Variants in TCF20 observed in about 807,000 individuals in gnomAD.
TCF20 encodes the protein SPRE-binding protein.
Under a neutral mutation model 148.6 loss-of-function variants are expected in TCF20, and 3 were observed. The observed-to-expected ratio is 0.02, with a 90% CI of 0.01 to 0.05. The LOEUF is 0.05. TCF20 is among the 10% of genes least tolerant of loss of function. TCF20 has a pLI of 1.00. For missense variants in TCF20, 2,350 were observed against 2,429.3 expected, an observed-to-expected ratio of 0.97 and a Z score of 0.69; for synonymous variants, 1,049 against 909.5, an observed-to-expected ratio of 1.15 and a Z score of -2.76.
chr22:42,170,048 A>G, intron 3 of TCF20, 152 bp from the exon 4 acceptor site: 1 of 667,148 alleles, frequency 1.5e-6, no homozygotes, highest in Non-Finnish European at 2.6e-6. Flanking sequence ...CAAGTAAGCT[A>G]TGATACCTTA....
intron 2 of TCF20, among the ~76,000 whole-genome samples, chr22:42,180,861 G>A (rs907783240): frequency 6.6e-6 from 1 of 152,166 alleles, no homozygotes; most frequent in Non-Finnish European, 1.5e-5. Flanking sequence ...GATCATCTCT[G>A]GCATCCTCCA....
chr22:42,255,894 C>T (rs1362860993), intron 1 of TCF20, among the ~76,000 whole-genome samples: 26 of 152,180 alleles, frequency 1.7e-4, no homozygotes, highest in Non-Finnish European at 1.2e-4. Context: ...CCACCTTGCT[C>T]TCATACTATT....
chr22:42,270,593 G>C lies in TCF20; in HGVS notation c.-291C>G, dbSNP rs529721523. On this transcript the variant is annotated 5_prime_UTR_variant, in exon 1 of 6. Transcript: ENST00000677622. ...GCGGAGGCCGCGGCCGCCTCGCAGG[G>C]GCCGAAAGCGGCTGGGCTCGGGGTT... 6.9e-6 allele frequency among the ~76,000 whole-genome samples: 1 copy of C among 145,858 alleles called. No homozygotes were observed. The highest frequency in any genetic ancestry group is 6.8e-5 in the Admixed American group (1 of 14,740).
In TCF20 at chr22:42,211,137, C is replaced by T; in HGVS notation, c.4169G>A (p.Ser1390Asn). Residue 1390 changes from serine (S) to asparagine (N), a missense_variant, in exon 2 of 6, where the codon AGT becomes AAT. Ser to Asn is a conservative substitution (Grantham distance 46, BLOSUM62 1). Transcript: ENST00000677622. Reference sequence around the variant, plus strand: ...AACACTCCCACCTTCAGGAGGACCACTCTTCAAAGACAGTATATCATCAAG... The same window carrying T: ...AACACTCCCACCTTCAGGAGGACCATTCTTCAAAGACAGTATATCATCAAG... The part of the protein sequence containing the change: ...VTLDDILSLK[S>N]GPPEGGSVAV... The T allele has an allele frequency of 6.2e-7, 1 of 1,614,242 alleles. No homozygotes were observed.
chr22:42,195,067 C>T (rs1244117888), intron 2 of TCF20, among the ~76,000 whole-genome samples: 2 of 150,314 alleles, frequency 1.3e-5, no homozygotes, highest in Non-Finnish European at 3.0e-5. Context: ...GCATCTCAGA[C>T]TTAACATGAA....
chr22:42,232,643 C>T (rs1315263220), intron 1 of TCF20, among the ~76,000 whole-genome samples: 3 of 151,776 alleles, frequency 2.0e-5, no homozygotes, highest in South Asian at 2.1e-4. Flanking sequence ...CTGTCTAACA[C>T]GGTGAAACCC....
intron 1 of TCF20, among the ~76,000 whole-genome samples, chr22:42,252,846 ATAAC>A (rs1229288470): frequency 4.6e-5 from 7 of 152,214 alleles, no homozygotes; most frequent in Non-Finnish European, 7.3e-5. Flanking sequence ...TTTAACAAAA[ATAAC>A]TATTTTCATA....
Position 42,214,782 on chromosome 22 carries a change from T to A in TCF20, c.524A>T (p.Gln175Leu), listed in dbSNP as rs991359797. 6.2e-7 allele frequency: 1 copy of A among 1,614,036 alleles called. No homozygotes were observed. The highest frequency in any genetic ancestry group is 1.3e-5 in the African/African-American group (1 of 74,934). The change falls in exon 2 of 6, where the codon CAG becomes CTG. Residue 175 changes from glutamine (Q) to leucine (L), a missense_variant. By Grantham distance (113) the Gln-to-Leu change is moderately radical. Transcript: ENST00000677622. ...CAACTGCTGGACTTGCTGCTGCTGC[T>A]GCTGGCTGGAAGCCTGCTGTTGGTA... ...AQYQQQASSQ[Q>L]QQQQVQQLRQ...
chr22:42,339,414 C>A (rs1928124611), intron 1 of TCF20, among the ~76,000 whole-genome samples: 1 of 152,158 alleles, frequency 6.6e-6, no homozygotes, highest in Admixed American at 6.5e-5. Context: ...ACAGTGGGTA[C>A]CTGGTACCCC....
At chr22:42,243,205 C>T (rs1290227226) in intron 1 of TCF20, among the ~76,000 whole-genome samples, 1 of 143,750 alleles carries the variant, frequency 7.0e-6, no homozygotes, top group Non-Finnish European at 1.5e-5. Context: ...TGGCTAGCAC[C>T]TGTAATCTCA....
At chr22:42,235,349 G>A (rs144131800) in intron 1 of TCF20, among the ~76,000 whole-genome samples, 1 of 152,226 alleles carries the variant, frequency 6.6e-6, no homozygotes, top group East Asian at 1.9e-4. Context: ...CTTCTCAACT[G>A]GGGACTTCTC....
intron 1 of TCF20, among the ~76,000 whole-genome samples, chr22:42,331,749 T>C (rs2147058754): frequency 6.6e-6 from 1 of 152,340 alleles, no homozygotes; most frequent in South Asian, 2.1e-4. Flanking sequence ...TAGTCTATGG[T>C]CACTACCCTG....
chr22:42,295,460 T>TTTA, intron 1 of TCF20, among the ~76,000 whole-genome samples: 1 of 149,252 alleles, frequency 6.7e-6, no homozygotes, highest in Non-Finnish European at 1.5e-5. Context: ...TTTTTTTTTT[T>TTTA]GAGACAGAGT....
upstream of TCF20, among the ~76,000 whole-genome samples, chr22:42,287,146 CA>C (rs1927047279): frequency 6.6e-6 from 1 of 152,140 alleles, no homozygotes; most frequent in Non-Finnish European, 1.5e-5. Context: ...TCCAAGGCGA[CA>C]ACTCCCAGGC....
chr22:42,231,928 C>CAAAAAAAAA (rs55642530), intron 1 of TCF20, among the ~76,000 whole-genome samples: 32 of 123,276 alleles, frequency 2.6e-4, no homozygotes, highest in African/African-American at 7.9e-4. Flanking sequence ...GACTCCGTCT[C>CAAAAAAAAA]AAAAAAAAAA....
rs563861442 is a variant in TCF20, at chr22:42,318,963, C to T, written c.-37+24516G>A. On this transcript the variant is annotated intron_variant, in intron 1 of 1. Transcript: ENST00000515426. ...GCTTAGGGCCCTGGCACTGCCCTGACCTGAGATCACTCCAGCTGTGTTCTA... is the reference window on the plus strand; with the variant it reads ...GCTTAGGGCCCTGGCACTGCCCTGATCTGAGATCACTCCAGCTGTGTTCTA... Among the ~76,000 whole-genome samples, 5 of 152,300 alleles carry T rather than the reference C, an allele frequency of 3.3e-5. No individual in the cohort carries two copies. The East Asian group carries it at 9.7e-4, about 29-fold the overall frequency.
chr22:42,234,695 A>C (rs1404050706), intron 1 of TCF20, among the ~76,000 whole-genome samples: 2 of 152,218 alleles, frequency 1.3e-5, no homozygotes, highest in Admixed American at 1.3e-4. Context: ...ATTATTTCAA[A>C]TATATTAAAA....
chr22:42,192,348 G>A (rs938690523), intron 2 of TCF20, among the ~76,000 whole-genome samples: 3 of 152,162 alleles, frequency 2.0e-5, no homozygotes, highest in Non-Finnish European at 4.4e-5. Flanking sequence ...CTTGGCTCTG[G>A]AGGTCTTTCT....
chr22:42,194,074 A>G (rs1937475246), intron 2 of TCF20, among the ~76,000 whole-genome samples: 1 of 152,230 alleles, frequency 6.6e-6, no homozygotes, highest in Admixed American at 6.5e-5. Flanking sequence ...GCTAAAGGCA[A>G]CAACTGGGTG....
Sources: gnomAD v4.1 joint callset for allele counts (sites outside exome capture counted in the v4.1 genomes callset) on GRCh38, gnomAD v4.1.1 for gene constraint, MANE v1.5 for transcripts, NCBI Gene and HGNC (gene_info 2026-07-23, HGNC 2026-07-21) for gene names.